The following TAFA2 variants were observed in gnomAD, a reference collection of about 807,000 sequenced individuals.
The protein encoded by TAFA2 is TAFA chemokine like family member 2, also known as chemokine-like protein TAFA-2.
A neutral mutation model predicts 18.8 loss-of-function variants in TAFA2; 7 were observed. The observed-to-expected ratio is 0.37, with a 90% CI of 0.21 to 0.70. TAFA2 has a LOEUF of 0.70. Ranked by LOEUF, TAFA2 falls within the 30% of genes least tolerant of loss-of-function variation. The pLI is 0.53. For missense variants in TAFA2, 122 were observed against 158.1 expected (o/e 0.77, Z 1.23); for synonymous variants, 60 against 54.2 (o/e 1.11, Z -0.47).
In TAFA2 at chr12:62,044,021, C is replaced by T. The variant is rs372012872; in HGVS notation, c.-2+147238G>A. ...ACAAAACTATTAATTACTCTCGAGG[C>T]TTGCAAGTGTTCTACACAATCTGCA... On this transcript the variant is annotated intron_variant, in intron 1 of 4. Coordinates refer to ENST00000416284, the MANE Select transcript of TAFA2 (RefSeq NM_178539.5). Among the ~76,000 whole-genome samples, 7 of 152,232 alleles carry T rather than the reference C, an allele frequency of 4.6e-5. No homozygotes were observed. In the East Asian group the frequency reaches 1.2e-3, roughly 25 times the overall value.
chr12:61,792,765 C>T (rs1448093373), intron 2 of TAFA2, among the ~76,000 whole-genome samples: 2 of 150,568 alleles, frequency 1.3e-5, no homozygotes, highest in Middle Eastern at 6.3e-3. Flanking sequence ...TGCATAATAA[C>T]AGAACTTTAA....
intron 1 of TAFA2, among the ~76,000 whole-genome samples, chr12:62,159,926 C>G (rs2062395380): frequency 6.6e-6 from 1 of 152,166 alleles, no homozygotes; most frequent in Non-Finnish European, 1.5e-5. Flanking sequence ...TGTTCTTAGA[C>G]TCCCCATGAT....
At chr12:61,789,066 C>A (rs1225930513) in intron 2 of TAFA2, among the ~76,000 whole-genome samples, 4 of 151,794 alleles carry the variant, frequency 2.6e-5, no homozygotes, top group Admixed American at 1.3e-4. Flanking sequence ...GGACAGATTG[C>A]AAAAATTTTC....
Position 62,168,176 on chromosome 12 carries a change from G to C in TAFA2, c.-2+23083C>G, listed in dbSNP as rs375018105. Among the ~76,000 whole-genome samples the C allele has an allele frequency of 2.6e-5, 4 of 152,060 alleles. No individual in the cohort carries two copies. The East Asian group carries it at 7.7e-4, about 29-fold the overall frequency. ...ACAAGGAGAAATTTCTCTTTATAGA[G>C]ATAGTCTCACCAATAAATAAAAAAG... On this transcript the variant is annotated intron_variant, in intron 1 of 4. Transcript: ENST00000416284.
At chr12:62,256,984 G>C (rs975215334) in intron 1 of TAFA2, among the ~76,000 whole-genome samples, 1 of 152,004 alleles carries the variant, frequency 6.6e-6, no homozygotes, top group African/African-American at 2.4e-5. Flanking sequence ...TAGGGTCGTG[G>C]GCGGGAATAA....
intron 1 of TAFA2, among the ~76,000 whole-genome samples, chr12:62,217,684 G>A (rs1467327678): frequency 6.6e-6 from 1 of 152,178 alleles, no homozygotes; most frequent in African/African-American, 2.4e-5. Context: ...TTCCCTCGAG[G>A]TGGCTGAAGC....
intron 1 of TAFA2, among the ~76,000 whole-genome samples, chr12:61,923,081 G>A (rs532489625): frequency 6.6e-6 from 1 of 152,320 alleles, no homozygotes; most frequent in South Asian, 2.1e-4. Context: ...CTGAAAGAAA[G>A]GCAGCAGCCC....
intron 1 of TAFA2, among the ~76,000 whole-genome samples, chr12:61,874,119 A>G (rs1375159033): frequency 6.6e-6 from 1 of 152,152 alleles, no homozygotes; most frequent in Non-Finnish European, 1.5e-5. Context: ...CACTAGGCAC[A>G]TTATGTGTGT....
intron 1 of TAFA2, among the ~76,000 whole-genome samples, chr12:62,082,330 A>G (rs931461770): frequency 6.6e-6 from 1 of 152,180 alleles, no homozygotes; most frequent in East Asian, 1.9e-4. Flanking sequence ...TTCTGGGTCA[A>G]ATGGTATTTC....
At chr12:62,240,981 T>G (rs2062860313) in intron 1 of TAFA2, among the ~76,000 whole-genome samples, 1 of 152,158 alleles carries the variant, frequency 6.6e-6, no homozygotes, top group East Asian at 1.9e-4. Flanking sequence ...CCACCCAAGT[T>G]TGTGGAAAAA....
intron 1 of TAFA2, among the ~76,000 whole-genome samples, chr12:62,055,051 G>T (rs1882152739): frequency 6.6e-6 from 1 of 152,100 alleles, no homozygotes; most frequent in Non-Finnish European, 1.5e-5. Flanking sequence ...TGAGGCCTTT[G>T]AGGCTGATTA....
intron 1 of TAFA2, among the ~76,000 whole-genome samples, chr12:61,926,730 A>C (rs1877310705): frequency 6.6e-6 from 1 of 152,192 alleles, no homozygotes; most frequent in Admixed American, 6.5e-5. Flanking sequence ...ACAAAACCAC[A>C]GCCAATATCA....
intron 2 of TAFA2, among the ~76,000 whole-genome samples, chr12:61,854,205 T>C (rs1035031000): frequency 2.6e-5 from 4 of 152,000 alleles, no homozygotes; most frequent in African/African-American, 9.7e-5. Context: ...ATGGAGGACA[T>C]GAGAATATTC....
chr12:61,969,071 T>C (rs377053676), intron 1 of TAFA2, among the ~76,000 whole-genome samples: 6 of 151,670 alleles, frequency 4.0e-5, no homozygotes, highest in East Asian at 1.9e-4. Flanking sequence ...ACTGAGCAAG[T>C]GTTCTGTTTT....
intron 1 of TAFA2, among the ~76,000 whole-genome samples, chr12:62,039,194 G>A (rs2136756962): frequency 6.6e-6 from 1 of 152,284 alleles, no homozygotes; most frequent in South Asian, 2.1e-4. Context: ...GGTTTGTAAT[G>A]ATATCCAAAT....
intron 1 of TAFA2, among the ~76,000 whole-genome samples, chr12:62,148,904 G>A (rs544719813): frequency 1.3e-5 from 2 of 152,238 alleles, no homozygotes; most frequent in Non-Finnish European, 2.9e-5. Flanking sequence ...CCCTTGTTGA[G>A]GTATTCATGG....
rs536505373 is a variant in TAFA2, at chr12:61,738,391, C to T, written c.384+15231G>A. Among the ~76,000 whole-genome samples the T allele has an allele frequency of 4.6e-5, 7 of 150,648 alleles. No homozygotes were observed. In the South Asian group the frequency reaches 1.1e-3, roughly 23 times the overall value. On this transcript the variant is annotated intron_variant, in intron 4 of 4. Transcript: ENST00000416284. ...CTCCAGTTAACAAAGCATTTTTAAACGTAAAAGATTTGTGCATGCATATGA... is the reference window on the plus strand; with the variant it reads ...CTCCAGTTAACAAAGCATTTTTAAATGTAAAAGATTTGTGCATGCATATGA...
chr12:62,173,366 C>G (rs1024450681), intron 1 of TAFA2, among the ~76,000 whole-genome samples: 8 of 152,060 alleles, frequency 5.3e-5, no homozygotes, highest in Non-Finnish European at 8.8e-5. Flanking sequence ...GAGCCAAGAT[C>G]ACACCACTGC....
intron 1 of TAFA2, among the ~76,000 whole-genome samples, chr12:62,010,152 TCTCCCCCTCCCC>T (rs565972530): frequency 5.3e-5 from 7 of 132,016 alleles, no homozygotes; most frequent in East Asian, 2.6e-4. Context: ...TCCCTCTCCC[TCTCCCCCTCCCC>T]CTCCCCCTCC....
Sources: gnomAD v4.1 joint callset for allele counts (sites outside exome capture counted in the v4.1 genomes callset) on GRCh38, gnomAD v4.1.1 for gene constraint, MANE v1.5 for transcripts, NCBI Gene and HGNC (gene_info 2026-07-23, HGNC 2026-07-21) for gene names.